The following RIMS2 variants were observed in gnomAD, a reference collection of about 807,000 sequenced individuals.
RIMS2 encodes regulating synaptic membrane exocytosis 2.
In RIMS2, 59 loss-of-function variants were observed where a neutral mutation model predicts 174.4. The observed-to-expected ratio is 0.34, with a 90% CI of 0.27 to 0.42. RIMS2 has a LOEUF of 0.42. RIMS2 is among the 10% of genes least tolerant of loss of function. The pLI is 1.00. For synonymous variants in RIMS2, 606 were observed against 572.5 expected (o/e 1.06, Z -0.84); for missense variants, 1,620 against 1,666.3 (o/e 0.97, Z 0.48).
chr8:104,147,404 T>TATTA (rs1435623861), intron 19 of RIMS2, among the ~76,000 whole-genome samples: 1 of 151,576 alleles, frequency 6.6e-6, no homozygotes, highest in Non-Finnish European at 1.5e-5. Flanking sequence ...TTGGAGAAGA[T>TATTA]ATTACATAGG....
chr8:103,584,414 A>G (rs2093788911), intron 1 of RIMS2, among the ~76,000 whole-genome samples: 1 of 140,982 alleles, frequency 7.1e-6, no homozygotes, highest in Non-Finnish European at 1.5e-5. Context: ...ACTTACTAGT[A>G]ATAGTAAGTA....
intron 1 of RIMS2, among the ~76,000 whole-genome samples, chr8:103,606,419 A>T (rs1428729898): frequency 2.6e-5 from 4 of 151,918 alleles, no homozygotes; most frequent in Non-Finnish European, 4.4e-5. Flanking sequence ...CTTTACTTCC[A>T]AGTATGTGGT....
intron 1 of RIMS2, among the ~76,000 whole-genome samples, chr8:103,597,029 G>T (rs1389001740): frequency 6.6e-6 from 1 of 152,002 alleles, no homozygotes; most frequent in African/African-American, 2.4e-5. Flanking sequence ...AAGAAACCAG[G>T]AAATGATTTG....
rs75339897 is a variant in RIMS2, at chr8:103,741,667, A to G, written c.388-24560A>G. Among the ~76,000 whole-genome samples the G allele has an allele frequency of 6.4e-3, 968 of 152,206 alleles. 7 individuals carry two copies. Among genetic ancestry groups the G allele is most frequent in the Middle Eastern group, 0.024 (7 of 294 alleles). ...CACCTTGTTTAAGTCAATATACTAA[A>G]AAGGATTTGGAAAATGCTCATTTTA... On this transcript the variant is annotated intron_variant, in intron 2 of 23. Transcript: ENST00000504942.
chr8:103,631,207 A>G (rs2095910703), intron 1 of RIMS2, among the ~76,000 whole-genome samples: 1 of 152,130 alleles, frequency 6.6e-6, no homozygotes, highest in Non-Finnish European at 1.5e-5. Context: ...TCCTATGTCC[A>G]GGATGGTATT....
intron 3 of RIMS2, among the ~76,000 whole-genome samples, chr8:103,834,157 G>T (rs1350599553): frequency 6.6e-6 from 1 of 151,910 alleles, no homozygotes; most frequent in Non-Finnish European, 1.5e-5. Flanking sequence ...CTACAGGCAT[G>T]CATCATTTTT....
At chr8:103,708,288 G>T (rs932116111) in intron 2 of RIMS2, among the ~76,000 whole-genome samples, 3 of 152,156 alleles carry the variant, frequency 2.0e-5, no homozygotes, top group African/African-American at 7.2e-5. Context: ...TCTGCTCCAG[G>T]ACTTGTTCTA....
At chr8:104,066,719 T>A (rs2097112021) in intron 19 of RIMS2, among the ~76,000 whole-genome samples, 1 of 152,190 alleles carries the variant, frequency 6.6e-6, no homozygotes, top group Non-Finnish European at 1.5e-5. Flanking sequence ...GCATTAATAT[T>A]CCTCACTTTC....
chr8:103,738,306 A>C (rs745514714), intron 2 of RIMS2, among the ~76,000 whole-genome samples: 1 of 152,018 alleles, frequency 6.6e-6, no homozygotes, highest in South Asian at 2.1e-4. Context: ...CTTTGATTTA[A>C]ACTTCAAAAA....
chr8:104,124,336 C>A (rs967478380), intron 19 of RIMS2, among the ~76,000 whole-genome samples: 1 of 151,884 alleles, frequency 6.6e-6, no homozygotes, highest in Non-Finnish European at 1.5e-5. Context: ...AGAAATATAA[C>A]CATAAAAATC....
intron 19 of RIMS2, chr8:104,068,609 G>A (rs751112399): frequency 1.7e-5 from 25 of 1,487,980 alleles, no homozygotes; most frequent in African/African-American, 4.1e-5. Flanking sequence ...ATTACCATTC[G>A]AAGGCAAGAC....
chr8:103,818,104 T>C (rs547133371), intron 3 of RIMS2, among the ~76,000 whole-genome samples: 1 of 152,264 alleles, frequency 6.6e-6, no homozygotes, highest in East Asian at 1.9e-4. Flanking sequence ...TTTAAAAATT[T>C]ATATTATTAC....
intron 2 of RIMS2, among the ~76,000 whole-genome samples, chr8:103,710,752 T>G (rs1554764930): frequency 6.6e-6 from 1 of 152,174 alleles, no homozygotes; most frequent in Non-Finnish European, 1.5e-5. Context: ...TAACATGAAT[T>G]TTTTCACTTT....
chr8:104,223,780 G>A, intron 19 of RIMS2: 1 of 1,596,278 alleles, frequency 6.3e-7, no homozygotes, highest in Non-Finnish European at 8.5e-7. Flanking sequence ...ACTCCCTGGA[G>A]GAGGAAGAAG....
Position 104,158,347 on chromosome 8 carries a change from G to A in RIMS2, c.3335-86569G>A, listed in dbSNP as rs185313937. Reference sequence around the variant, plus strand: ...AGTCTTTGCTATTGTGAATAGTGCCGCAATAAACATATGTGTGCGTGTGTC... The same window carrying A: ...AGTCTTTGCTATTGTGAATAGTGCCACAATAAACATATGTGTGCGTGTGTC... On this transcript the variant is annotated intron_variant, in intron 19 of 23. Coordinates refer to ENST00000504942, the Ensembl canonical transcript of RIMS2. Among the ~76,000 whole-genome samples, 212 of 152,122 alleles carry A rather than the reference G, an allele frequency of 1.4e-3. 1 individual carries two copies. The East Asian group carries it at 0.022, about 16-fold the overall frequency.
intron 3 of RIMS2, among the ~76,000 whole-genome samples, chr8:103,803,476 A>C (rs2098629401): frequency 6.6e-6 from 1 of 152,132 alleles, no homozygotes; most frequent in Admixed American, 6.6e-5. Flanking sequence ...ATAACTGATA[A>C]AAAAATTTAA....
exon 4 of RIMS2, chr8:103,885,903 C>A (rs776368899): frequency 6.2e-7 from 1 of 1,612,312 alleles, no homozygotes; most frequent in South Asian, 1.1e-5. Context: ...AGTCCTCCTA[C>A]CCCCAGGAGG....
intron 19 of RIMS2, among the ~76,000 whole-genome samples, chr8:104,154,711 G>A (rs1169621504): frequency 6.6e-6 from 1 of 152,178 alleles, no homozygotes; most frequent in Non-Finnish European, 1.5e-5. Context: ...GGTCACTCAG[G>A]CATCTGCGCT....
intron 3 of RIMS2, among the ~76,000 whole-genome samples, chr8:103,798,895 G>A (rs556972341): frequency 1.2e-4 from 18 of 151,450 alleles, no homozygotes; most frequent in African/African-American, 2.9e-4. Flanking sequence ...CTAATCACAC[G>A]AAGCCTTAAA....
Sources: allele counts gnomAD v4.1 joint callset (sites outside exome capture counted in the v4.1 genomes callset), GRCh38; gene constraint gnomAD v4.1.1; transcripts MANE v1.5; gene names NCBI Gene and HGNC (gene_info 2026-07-23, HGNC 2026-07-21).